RBSN: variants seen among roughly 807,000 people sequenced by gnomAD.
The protein encoded by RBSN is rabenosyn-5.
RBSN carries 34 observed loss-of-function variants against 60.5 expected under a neutral mutation model. The ratio of observed to expected loss-of-function variants is 0.56; its 90% CI spans 0.43 to 0.75. The LOEUF (loss-of-function observed/expected upper bound fraction) is 0.75. Among genes scored for constraint, RBSN ranks in the 30% least tolerant of loss-of-function variants. RBSN has a pLI of 0.00. For synonymous variants in RBSN, 322 were observed against 366.9 expected, an observed-to-expected ratio of 0.88 and a Z score of 1.40; for missense variants, 845 against 986.8, an observed-to-expected ratio of 0.86 and a Z score of 1.92.
rs75513686 is a variant in RBSN, at chr3:15,078,348, C to T, written c.912-187G>A. ...AATGAATCAAGTGGAAGTGATGTTTCGATTTGCAGACGCAACAGGGACAGA... is the reference window on the plus strand; with the variant it reads ...AATGAATCAAGTGGAAGTGATGTTTTGATTTGCAGACGCAACAGGGACAGA... On this transcript the variant is annotated intron_variant, in intron 10 of 13. Transcript: ENST00000253699. Among the ~76,000 whole-genome samples, 701 of 152,276 alleles carry T rather than the reference C, an allele frequency of 4.6e-3. 7 individuals are homozygous for T. Among genetic ancestry groups the T allele is most frequent in the African/African-American group, 0.016 (664 of 41,550 alleles).
intron 1 of RBSN, 101 bp from the exon 2 acceptor site, chr3:15,098,375 T>C (rs2043725046): frequency 6.0e-3 from 1 of 166 alleles, no homozygotes; most frequent in South Asian, 0.056. Flanking sequence ...TAAAGAAATC[T>C]AACACAACCA....
chr3:15,089,456 C>CAAAAAAAAAAAAAAAAAAAAAA (rs757156425), intron 5 of RBSN, among the ~76,000 whole-genome samples: 1 of 31,462 alleles, frequency 3.2e-5, no homozygotes, highest in Non-Finnish European at 6.2e-5. Flanking sequence ...ACTCCATCTC[C>CAAAAAAAAAAAAAAAAAAAAAA]AAAAAAAAAA....
rs532941172 is a variant in RBSN at position 15,084,567 on chromosome 3, C to T, written c.598+168G>A. Among the ~76,000 whole-genome samples the T allele has an allele frequency of 6.6e-6, 1 of 152,334 alleles. No homozygotes were observed. Among genetic ancestry groups the T allele is most frequent in the South Asian group, 2.1e-4 (1 of 4,832 alleles). On this transcript the variant is annotated intron_variant, in intron 8 of 13. Transcript: ENST00000253699. The surrounding 1 kb of genome is among the most constrained non-coding windows in gnomAD (Gnocchi z 4.2). Reference sequence around the variant, plus strand: ...AGACCACTGTATCCCTGGCCCCTAGCATAGTACCTAGTCTGTAGTGGGTTT... The same window carrying T: ...AGACCACTGTATCCCTGGCCCCTAGTATAGTACCTAGTCTGTAGTGGGTTT...
chr3:15,074,866 T>C lies in RBSN; in HGVS notation c.1271A>G (p.Asn424Ser), dbSNP rs2043014747. Residue 424 changes from asparagine to serine, a missense_variant, in exon 14 of 14, where the codon AAC (asparagine) becomes AGC (serine). Coordinates refer to ENST00000253699, the MANE Select transcript of RBSN (RefSeq NM_022340.4). The surrounding 1 kb of genome is among the most constrained non-coding windows in gnomAD (Gnocchi z 6.4). ...RQSGLASRAA[N>S]GEVASLRRGP... ...CCTGCGGAGAGATGCCACCTCCCCG[T>C]TGGCCGCTCGAGAAGCCAGGCCACT... 1 of 1,613,968 alleles carries C rather than the reference T, an allele frequency of 6.2e-7. No individual in the cohort carries two copies. The highest frequency in any genetic ancestry group is 1.3e-5 in the African/African-American group (1 of 74,946).
chr3:15,093,816 C>T (rs902071525), intron 4 of RBSN, among the ~76,000 whole-genome samples: 2 of 152,158 alleles, frequency 1.3e-5, no homozygotes, highest in African/African-American at 4.8e-5. Flanking sequence ...ATCCTTCTGC[C>T]TCAGCCTTCC....
rs2042907585 is a variant in RBSN, at chr3:15,070,613, A to C, written c.*3169T>G. The C allele has an allele frequency of 6.6e-6, 1 of 152,596 alleles. No individual in the cohort carries two copies. Among genetic ancestry groups the C allele is most frequent in the Non-Finnish European group, 1.5e-5 (1 of 68,044 alleles). The allele number at this position is 152,596 out of a possible 1,614,324, so 9.5% of individuals were successfully genotyped here. A position where few individuals can be genotyped will look rare whatever the true frequency, so the allele number is the denominator to read the frequency against. On this transcript the variant is annotated 3_prime_UTR_variant, in exon 14 of 14. Transcript: ENST00000253699. Reference sequence around the variant, plus strand: ...CATAGGCCAAGTTTGCCTGCTGTCAACCCATCTCTGTAACTCCAACTTTGT... The same window carrying C: ...CATAGGCCAAGTTTGCCTGCTGTCACCCCATCTCTGTAACTCCAACTTTGT...
chr3:15,075,099 G>T, intron 13 of RBSN, 169 bp from the exon 14 acceptor site: 1 of 793,324 alleles, frequency 1.3e-6, no homozygotes, highest in Non-Finnish European at 1.9e-6. Context: ...TTGTGTATAT[G>T]TGGGCGGAAG....
At chr3:15,090,633 T>C in intron 4 of RBSN, 94 bp from the exon 5 acceptor site, 1 of 1,507,032 alleles carries the variant, frequency 6.6e-7, no homozygotes, top group South Asian at 1.3e-5. Context: ...GACGAAATAA[T>C]TATCGTTTGT....
At chr3:15,096,989 A>G (rs1198087431) in intron 2 of RBSN, among the ~76,000 whole-genome samples, 1 of 152,048 alleles carries the variant, frequency 6.6e-6, no homozygotes, top group Non-Finnish European at 1.5e-5. Flanking sequence ...CCTCCTAAGA[A>G]GCTGGGACTA....
chr3:15,079,154 C>G (rs1044259882), intron 10 of RBSN, among the ~76,000 whole-genome samples: 5 of 152,152 alleles, frequency 3.3e-5, no homozygotes, highest in African/African-American at 1.2e-4. Context: ...TTGCAGGCCA[C>G]ACAGTCTCTG....
At chr3:15,095,746 C>G in intron 4 of RBSN, 1 of 600,280 alleles carries the variant, frequency 1.7e-6, no homozygotes, top group Non-Finnish European at 2.9e-6. Context: ...TCTAATCTCT[C>G]TGTGTCTGGT....
rs1357497991 is a variant in RBSN, at chr3:15,077,994, G to A, written c.998+81C>T. 16 of 1,226,798 alleles carry A rather than the reference G, an allele frequency of 1.3e-5. No homozygotes were observed. The Admixed American group carries it at 2.4e-4, about 19-fold the overall frequency. The allele number at this position is 1,226,798 out of a possible 1,614,324, so 76.0% of individuals were successfully genotyped here. ...CCCATCACCAGAAGTCTGAGTGAGT[G>A]CAGGTCTGCTTTCGCCATTTCATTA... On this transcript the variant is annotated intron_variant, in intron 11 of 13. Coordinates refer to ENST00000253699, the MANE Select transcript of RBSN (RefSeq NM_022340.4). This position sits in a 1 kb window ranked among gnomAD's most constrained non-coding sequence, Gnocchi z 4.4.
intron 4 of RBSN, chr3:15,091,210 CAAAAAAAAAAAA>C (rs55655564): frequency 0.025 from 2,856 of 115,762 alleles, 22 homozygotes; most frequent in Non-Finnish European, 0.031. Flanking sequence ...GACCCTGTCT[CAAAAAAAAAAAA>C]AAAAAAAAAA....
At chr3:15,081,800 C>T (rs991123451) in intron 9 of RBSN, among the ~76,000 whole-genome samples, 1 of 152,302 alleles carries the variant, frequency 6.6e-6, no homozygotes, top group South Asian at 2.1e-4. Context: ...ATTAAGGGAC[C>T]AAGCCAGTCT....
At position 15,084,368 on chromosome 3, in the gene RBSN, T is replaced by A. The variant is rs1420938617; in HGVS notation, c.598+367A>T. On this transcript the variant is annotated intron_variant, in intron 8 of 13. Transcript: ENST00000253699. The surrounding 1 kb of genome is among the most constrained non-coding windows in gnomAD (Gnocchi z 4.2). ...CCTGACCTCAAGTGATCCGCCTGCC[T>A]TGGCCTCTCAAAGTGCTGTGATTAC... 6.6e-6 allele frequency among the ~76,000 whole-genome samples: 1 copy of A among 152,232 alleles called. No homozygotes were observed. The highest frequency in any genetic ancestry group is 1.5e-5 in the Non-Finnish European group (1 of 68,040).
rs895025243 is a variant in RBSN, at chr3:15,070,875, T to G, written c.*2907A>C. 2 of 152,702 alleles carry G rather than the reference T, an allele frequency of 1.3e-5. No individual in the cohort carries two copies. The highest frequency in any genetic ancestry group is 4.8e-5 in the African/African-American group (2 of 41,466). 9.5% of individuals were successfully genotyped at this position (152,702 alleles called of 1,614,324 possible). On this transcript the variant is annotated 3_prime_UTR_variant, in exon 14 of 14. Coordinates refer to ENST00000253699, the MANE Select transcript of RBSN (RefSeq NM_022340.4). ...CTTGCTCTTGTCACCCAGGTTGGAG[T>G]GCAGTGGCGCAATCTTGGCTCACTG...
chr3:15,097,236 C>T (rs887649665), intron 2 of RBSN, among the ~76,000 whole-genome samples: 2 of 152,298 alleles, frequency 1.3e-5, no homozygotes, highest in Non-Finnish European at 2.9e-5. Flanking sequence ...AAAGGCTGGC[C>T]AGGCATGGTG....
chr3:15,090,909 G>C (rs964351073), intron 4 of RBSN, among the ~76,000 whole-genome samples: 1 of 152,046 alleles, frequency 6.6e-6, no homozygotes, highest in East Asian at 1.9e-4. Flanking sequence ...GTGGTGAAGT[G>C]GGTATATACA....
Position 15,075,531 on chromosome 3 carries a change from C to T in RBSN, c.1206+75G>A, listed in dbSNP as rs149665951. 5.0e-4 allele frequency: 608 copies of T among 1,209,116 alleles called. 1 individual carries two copies. In the African/African-American group the frequency reaches 8.1e-3, roughly 16 times the overall value. The allele number at this position is 1,209,116 out of a possible 1,614,324, so 74.9% of individuals were successfully genotyped here. ...TCTGATTCACTACAACCGCACACAA[C>T]CTGGGAGCCCATGGCAGCCTCTGTG... On this transcript the variant is annotated intron_variant, in intron 13 of 13. Transcript: ENST00000253699.
Sources: gnomAD v4.1 joint callset for allele counts (sites outside exome capture counted in the v4.1 genomes callset) on GRCh38, gnomAD v4.1.1 for gene constraint, Gnocchi (gnomAD v3.1) non-coding constraint, MANE v1.5 for transcripts, NCBI Gene and HGNC (gene_info 2026-07-23, HGNC 2026-07-21) for gene names.